PDXDC1: variants seen among roughly 807,000 people sequenced by gnomAD.
The protein encoded by PDXDC1 is pyridoxal-dependent decarboxylase domain-containing protein 1.
A neutral mutation model predicts 100.1 loss-of-function variants in PDXDC1; 42 were observed. The ratio of observed to expected loss-of-function variants is 0.42; its 90% CI spans 0.33 to 0.54. PDXDC1 has a LOEUF of 0.54. PDXDC1 is among the 20% of genes least tolerant of loss of function. The pLI is 0.10. For synonymous variants in PDXDC1, 260 were observed against 371.7 expected, an observed-to-expected ratio of 0.70 and a Z score of 3.46; for missense variants, 636 against 979.2, an observed-to-expected ratio of 0.65 and a Z score of 4.68.
At chr16:15,054,951 G>C in intron 16 of PDXDC1, among the ~76,000 whole-genome samples, 1 of 152,162 alleles carries the variant, frequency 6.6e-6, no homozygotes, top group East Asian at 1.9e-4. Context: ...ATCTCAGAGT[G>C]AAAGGGGACG....
intron 16 of PDXDC1, among the ~76,000 whole-genome samples, chr16:15,072,505 T>C (rs2045279343): frequency 1.3e-5 from 2 of 152,068 alleles, no homozygotes; most frequent in South Asian, 2.1e-4. Context: ...CCAAGTGTAC[T>C]GAGAAGGGAA....
chr16:15,122,110 G>T (rs1426221249), intron 16 of PDXDC1, among the ~76,000 whole-genome samples: 2 of 151,902 alleles, frequency 1.3e-5, no homozygotes, highest in African/African-American at 2.4e-5. Context: ...GTTGCAGTGA[G>T]CCGAGATCTT....
intron 16 of PDXDC1, among the ~76,000 whole-genome samples, chr16:15,102,721 TAGG>T (rs1196499206): frequency 2.1e-5 from 3 of 140,298 alleles, no homozygotes; most frequent in African/African-American, 5.4e-5. Context: ...GAGGCTGAGG[TAGG>T]AGGACTGCTT....
In PDXDC1 at chr16:15,026,708, T is replaced by C. The variant is rs764684708; in HGVS notation, c.1204+2T>C. 6.2e-7 allele frequency: 1 copy of C among 1,613,534 alleles called. No homozygotes were observed. The highest frequency in any genetic ancestry group is 8.5e-7 in the Non-Finnish European group (1 of 1,179,500). On this transcript the variant is annotated splice_donor_variant, in intron 14 of 22. Coordinates refer to ENST00000396410, the MANE Select transcript of PDXDC1 (RefSeq NM_015027.4). LOFTEE classifies it high-confidence loss of function. ...TTTTCCAGGAATTACCAGGCTCAGGTCGGTGAATTTTAAAAGAGGGTTATT... is the reference window on the plus strand; with the variant it reads ...TTTTCCAGGAATTACCAGGCTCAGGCCGGTGAATTTTAAAAGAGGGTTATT...
intron 16 of PDXDC1, among the ~76,000 whole-genome samples, chr16:15,132,328 A>AGGGGAGGGGG (rs2048126255): frequency 4.6e-5 from 1 of 21,732 alleles, no homozygotes; most frequent in Non-Finnish European, 9.7e-5. Context: ...AGCGGAGGGG[A>AGGGGAGGGGG]GGGGAGGGGG....
intron 16 of PDXDC1, among the ~76,000 whole-genome samples, chr16:15,098,323 C>T (rs1369280029): frequency 6.6e-6 from 1 of 151,324 alleles, no homozygotes; most frequent in South Asian, 2.1e-4. Context: ...GCCTCAGCCT[C>T]CTGAGTAGCT....
At chr16:15,011,631 C>CTTTTTTTTTTTTTTTTTTTTCT in intron 8 of PDXDC1, among the ~76,000 whole-genome samples, 1 of 131,276 alleles carries the variant, frequency 7.6e-6, no homozygotes, top group Non-Finnish European at 1.6e-5. Flanking sequence ...ACATTTTTTT[C>CTTTTTTTTTTTTTTTTTTTTCT]TTTTTTTTTT....
chr16:15,071,019 A>C (rs2045201864), intron 16 of PDXDC1: 3 of 1,055,326 alleles, frequency 2.8e-6, no homozygotes, highest in Admixed American at 2.4e-5. Context: ...ATTCACTTTA[A>C]AAACATGCCA....
chr16:15,066,584 G>T (rs979466189), intron 16 of PDXDC1, among the ~76,000 whole-genome samples: 2 of 150,892 alleles, frequency 1.3e-5, no homozygotes, highest in Non-Finnish European at 2.9e-5. Flanking sequence ...AGTGAGCTAA[G>T]ATCACGCCAC....
chr16:14,983,442 A>G (rs1440257503), intron 1 of PDXDC1, among the ~76,000 whole-genome samples: 15 of 152,128 alleles, frequency 9.9e-5, no homozygotes, highest in Non-Finnish European at 1.6e-4. Context: ...GTGTCGTGGC[A>G]TGTGCCTGTG....
chr16:14,990,105 G>A, intron 1 of PDXDC1: 2 of 1,481,038 alleles, frequency 1.4e-6, no homozygotes, highest in Non-Finnish European at 1.8e-6. Flanking sequence ...GAGGCGGCGG[G>A]CCCAGCTGCT....
chr16:15,142,243 C>CG (rs1304353851), downstream of PDXDC1, among the ~76,000 whole-genome samples: 7 of 152,134 alleles, frequency 4.6e-5, no homozygotes, highest in Admixed American at 2.6e-4. Flanking sequence ...AGAGCCCCCC[C>CG]GCTCCCCACC....
chr16:15,150,130 G>A, the PDXDC1 span, among the ~76,000 whole-genome samples: 4 of 151,654 alleles, frequency 2.6e-5, no homozygotes, highest in Admixed American at 6.6e-5. Context: ...GGATCACGAG[G>A]TCAGGAGATC....
chr16:14,987,903 C>T (rs1474162843), intron 1 of PDXDC1, among the ~76,000 whole-genome samples: 4 of 152,204 alleles, frequency 2.6e-5, no homozygotes, highest in African/African-American at 4.8e-5. Context: ...TGAGCCACTG[C>T]GCCTGGCCTG....
intron 16 of PDXDC1, among the ~76,000 whole-genome samples, chr16:15,122,169 CA>C (rs2047454273): frequency 1.3e-5 from 2 of 151,650 alleles, no homozygotes; most frequent in Non-Finnish European, 2.9e-5. Context: ...GTCTAAAAAA[CA>C]AACAAACAAA....
chr16:14,991,171 T>G (rs1332192740), intron 1 of PDXDC1, among the ~76,000 whole-genome samples: 1 of 152,302 alleles, frequency 6.6e-6, no homozygotes, highest in African/African-American at 2.4e-5. Context: ...CATCTTGTCA[T>G]TACACGGGAT....
intron 1 of PDXDC1, 48 bp from the exon 2 acceptor site, chr16:14,997,705 G>C (rs771255374): frequency 6.5e-7 from 1 of 1,537,842 alleles, no homozygotes; most frequent in African/African-American, 1.4e-5. Context: ...TGTTATAGAG[G>C]TAATAGAGGA....
chr16:15,099,804 GCTTTA>G lies in PDXDC1; in HGVS notation c.1400-39072_1400-39068del, dbSNP rs1370702208. 5.9e-5 allele frequency among the ~76,000 whole-genome samples: 9 copies of G among 152,196 alleles called. No homozygotes were observed. The Middle Eastern group carries it at 0.01, about 173-fold the overall frequency. On this transcript the variant is annotated intron_variant, in intron 16 of 16. Coordinates refer to the PDXDC1 transcript ENST00000535621. ...CTTCTTCATTCCAGAACAAAATTTT[GCTTTA>G]CTATCATCATATACCCAGAAGACCC...
At chr16:15,089,995 G>C (rs1567226378) in intron 16 of PDXDC1, among the ~76,000 whole-genome samples, 1 of 151,732 alleles carries the variant, frequency 6.6e-6, no homozygotes, top group South Asian at 2.1e-4. Flanking sequence ...GGTCACCTGA[G>C]GTCAGGAGTT....
Sources: allele counts gnomAD v4.1 joint callset (sites outside exome capture counted in the v4.1 genomes callset), GRCh38; gene constraint gnomAD v4.1.1; transcripts MANE v1.5; gene names NCBI Gene and HGNC (gene_info 2026-07-23, HGNC 2026-07-21).